The following SLC44A5 variants were observed in gnomAD, a reference collection of about 807,000 sequenced individuals.
SLC44A5 encodes the protein solute carrier family 44 member 5, also known as choline transporter-like protein 5.
Under a neutral mutation model 101.8 loss-of-function variants are expected in SLC44A5, and 57 were observed. The observed-to-expected ratio is 0.56, with a 90% CI of 0.45 to 0.70. The LOEUF (loss-of-function observed/expected upper bound fraction) is 0.70, where lower values mean the gene tolerates loss of function less well. Among genes scored for constraint, SLC44A5 ranks in the 30% least tolerant of loss-of-function variants. The pLI is 0.00. For missense variants in SLC44A5, 737 were observed against 853.1 expected (o/e 0.86, Z 1.70); for synonymous variants, 281 against 290.9 (o/e 0.97, Z 0.35).
Position 75,233,991 on chromosome 1 carries a change from C to A in SLC44A5, c.848G>T (p.Gly283Val), listed in dbSNP as rs1411684470. 2 of 1,605,204 alleles carry A rather than the reference C, an allele frequency of 1.2e-6. No homozygotes were observed. Among genetic ancestry groups the A allele is most frequent in the African/African-American group, 1.3e-5 (1 of 74,742 alleles). The change falls in exon 12 of 24, where the codon GGT becomes GTT. Residue 283 changes from glycine to valine, a missense_variant. This residue lies in a region of SLC44A5 where 665 missense variants were observed against 764.4 expected (regional missense o/e 0.87). Coordinates refer to ENST00000370859, the MANE Select transcript of SLC44A5 (RefSeq NM_001130058.2). ...TGAAGAGGAGTGATACCTACCATAA[C>A]CTATAATTCCAATCACACCAATCAT... ...VFMIGVIGIIGYGIWHCYQQY... is the reference protein window; with the variant it reads ...VFMIGVIGIIVYGIWHCYQQY...
chr1:75,435,940 C>G (rs922969389), intron 2 of SLC44A5, among the ~76,000 whole-genome samples: 1 of 151,838 alleles, frequency 6.6e-6, no homozygotes, highest in African/African-American at 2.4e-5. Flanking sequence ...AACATTTCAC[C>G]TGTTAACTTC....
intron 1 of SLC44A5, among the ~76,000 whole-genome samples, chr1:75,558,035 A>G (rs1236847674): frequency 6.6e-6 from 1 of 152,154 alleles, no homozygotes; most frequent in Non-Finnish European, 1.5e-5. Context: ...GAAATAAAGC[A>G]TAGTAACTAT....
At chr1:75,357,073 C>G (rs1213954141) in intron 3 of SLC44A5, 2 of 400,056 alleles carry the variant, frequency 5.0e-6, no homozygotes, top group Non-Finnish European at 1.0e-5. Context: ...TATCTTTTTT[C>G]TCAACTCTTC....
chr1:75,645,111 T>C, the SLC44A5 span, among the ~76,000 whole-genome samples: 1 of 152,148 alleles, frequency 6.6e-6, no homozygotes, highest in Non-Finnish European at 1.5e-5. Flanking sequence ...CTTTATAGCA[T>C]CATGATTTAT....
chr1:75,432,659 A>G (rs1362125267), intron 2 of SLC44A5, among the ~76,000 whole-genome samples: 1 of 152,156 alleles, frequency 6.6e-6, no homozygotes, highest in African/African-American at 2.4e-5. Flanking sequence ...AATTATACCC[A>G]GCTTCATTTT....
At chr1:75,406,842 T>C (rs1662904968) in intron 2 of SLC44A5, among the ~76,000 whole-genome samples, 1 of 151,906 alleles carries the variant, frequency 6.6e-6, no homozygotes, top group Non-Finnish European at 1.5e-5. Context: ...CAACATAGTA[T>C]TAGAAGTTCT....
intron 1 of SLC44A5, among the ~76,000 whole-genome samples, chr1:75,597,368 T>C (rs543975559): frequency 7.9e-5 from 12 of 152,156 alleles, no homozygotes; most frequent in African/African-American, 2.2e-4. Context: ...AAAATGGCCA[T>C]GCTGCCCAAA....
chr1:75,415,306 A>C (rs572786974), intron 2 of SLC44A5, among the ~76,000 whole-genome samples: 2 of 152,234 alleles, frequency 1.3e-5, no homozygotes, highest in South Asian at 4.1e-4. Context: ...GGGACTGACG[A>C]GATCTGATGG....
At chr1:75,437,010 G>A (rs1664930480) in intron 2 of SLC44A5, among the ~76,000 whole-genome samples, 1 of 152,060 alleles carries the variant, frequency 6.6e-6, no homozygotes, top group South Asian at 2.1e-4. Context: ...TAACACACAT[G>A]GAGCTGTCAT....
At chr1:75,530,083 C>G (rs1269115738) in intron 2 of SLC44A5, among the ~76,000 whole-genome samples, 2 of 152,050 alleles carry the variant, frequency 1.3e-5, no homozygotes, top group Non-Finnish European at 2.9e-5. Flanking sequence ...GAGTCTTGCT[C>G]TGTGGCCCAG....
At chr1:75,691,988 T>C in the SLC44A5 span, among the ~76,000 whole-genome samples, 1 of 152,106 alleles carries the variant, frequency 6.6e-6, no homozygotes, top group Non-Finnish European at 1.5e-5. Flanking sequence ...GCATGCTTCA[T>C]TGTCTCATTA....
chr1:75,202,287 G>C lies in SLC44A5; in HGVS notation c.*1440C>G, dbSNP rs1646678190. 6.6e-6 allele frequency: 1 copy of C among 152,116 alleles called. No homozygotes were observed. The highest frequency in any genetic ancestry group is 1.5e-5 in the Non-Finnish European group (1 of 68,016). The allele number at this position is 152,116 out of a possible 1,614,324, so 9.4% of individuals were successfully genotyped here. On this transcript the variant is annotated 3_prime_UTR_variant, in exon 24 of 24. Transcript: ENST00000370859. ...GCACACTGATTATAGAGCTCAGACT[G>C]TCATGTGCTCATGTGAGTTTATTTT...
intron 1 of SLC44A5, among the ~76,000 whole-genome samples, chr1:75,593,370 C>A (rs1674458024): frequency 6.6e-6 from 1 of 152,058 alleles, no homozygotes; most frequent in Non-Finnish European, 1.5e-5. Context: ...AAAGGGAACC[C>A]TTGTACACTT....
At chr1:75,382,666 G>GT (rs1332274916) in intron 3 of SLC44A5, among the ~76,000 whole-genome samples, 1 of 66,820 alleles carries the variant, frequency 1.5e-5, no homozygotes, top group Non-Finnish European at 2.5e-5. Context: ...TCAACTCAGA[G>GT]TTAAATGGAT....
At chr1:75,300,175 T>C (rs1459607751) in intron 5 of SLC44A5, among the ~76,000 whole-genome samples, 1 of 152,154 alleles carries the variant, frequency 6.6e-6, no homozygotes, top group African/African-American at 2.4e-5. Flanking sequence ...TGTATGTCAA[T>C]GAATTATCTG....
intron 5 of SLC44A5, among the ~76,000 whole-genome samples, chr1:75,280,596 A>T (rs1000035455): frequency 5.4e-5 from 8 of 148,474 alleles, no homozygotes; most frequent in African/African-American, 2.0e-4. Context: ...GTCCCCACTA[A>T]AATCTCATCT....
intron 3 of SLC44A5, among the ~76,000 whole-genome samples, chr1:75,366,935 T>A (rs1247208230): frequency 8.8e-6 from 1 of 114,214 alleles, no homozygotes; most frequent in Non-Finnish European, 1.7e-5. Context: ...TTTTTGTTAT[T>A]TTTAAATAAT....
At chr1:75,413,248 TC>T (rs566812469) in intron 2 of SLC44A5, among the ~76,000 whole-genome samples, 38 of 152,296 alleles carry the variant, frequency 2.5e-4, no homozygotes, top group African/African-American at 8.9e-4. Flanking sequence ...ATTTCAGGCA[TC>T]CACTTGGGGT....
intron 1 of SLC44A5, among the ~76,000 whole-genome samples, chr1:75,602,013 A>G (rs1312625055): frequency 4.6e-5 from 7 of 152,204 alleles, no homozygotes; most frequent in Non-Finnish European, 1.0e-4. Flanking sequence ...CTTTAATACA[A>G]GCAATTGGCT....
Sources: gnomAD v4.1 joint callset for allele counts (sites outside exome capture counted in the v4.1 genomes callset) on GRCh38, gnomAD v4.1.1 for gene constraint, gnomAD v4.1.1 regional missense constraint, MANE v1.5 for transcripts, NCBI Gene and HGNC (gene_info 2026-07-23, HGNC 2026-07-21) for gene names.